The following GGTA1 variants were observed in gnomAD, a reference collection of about 807,000 sequenced individuals.
The protein encoded by GGTA1 is glycoprotein alpha-galactosyltransferase 1 (inactive), also known as inactive N-acetyllactosaminide alpha-1,3-galactosyltransferase.
A neutral mutation model predicts 2.6 loss-of-function variants in GGTA1; 5 were observed. The observed-to-expected ratio is 1.92, with a 90% CI of 1.00 to 4.04. The LOEUF (loss-of-function observed/expected upper bound fraction) is 4.04. Among genes scored for constraint, GGTA1 ranks in the 30% most tolerant of loss-of-function variants. The probability of loss-of-function intolerance (pLI) is 0.00; values close to 1 mark genes in which losing one functional copy is unlikely to be tolerated. For missense variants in GGTA1, 50 were observed against 16.7 expected (o/e 2.99, Z -3.47); for synonymous variants, 17 against 5.0 (o/e 3.38, Z -3.19).
At chr9:121,478,315 CCTCA>C (rs1424218178) in intron 1 of GGTA1, among the ~76,000 whole-genome samples, 1 of 152,204 alleles carries the variant, frequency 6.6e-6, no homozygotes, top group Non-Finnish European at 1.5e-5. Flanking sequence ...TGTGGGGTGT[CCTCA>C]CTCACAGCAT....
chr9:121,474,711 C>T (rs1428821074), intron 1 of GGTA1, among the ~76,000 whole-genome samples: 9 of 152,130 alleles, frequency 5.9e-5, no homozygotes, highest in Non-Finnish European at 1.5e-5. Context: ...CATCTCGTGC[C>T]AGGGGAAAAG....
intron 1 of GGTA1, among the ~76,000 whole-genome samples, chr9:121,485,966 C>G (rs1828746961): frequency 6.6e-6 from 1 of 152,190 alleles, no homozygotes; most frequent in African/African-American, 2.4e-5. Flanking sequence ...ATTTGTGATT[C>G]CTGCGCACAC....
chr9:121,466,456 C>G (rs1589330677), intron 2 of GGTA1, among the ~76,000 whole-genome samples: 1 of 152,188 alleles, frequency 6.6e-6, no homozygotes. Context: ...CTTGGTCACA[C>G]TCTAGTTTGT....
At chr9:121,487,719 C>CT (rs917326405) in intron 1 of GGTA1, among the ~76,000 whole-genome samples, 1 of 151,932 alleles carries the variant, frequency 6.6e-6, no homozygotes, top group Non-Finnish European at 1.5e-5. Flanking sequence ...AAGGTATAGA[C>CT]TTTTTTCTTT....
chr9:121,451,487 G>C (rs931124226), downstream of GGTA1, among the ~76,000 whole-genome samples: 2 of 152,206 alleles, frequency 1.3e-5, no homozygotes, highest in Non-Finnish European at 2.9e-5. Context: ...ACCTGGCCTA[G>C]AGCTAGAACT....
chr9:121,482,818 G>A (rs146822373), intron 1 of GGTA1, among the ~76,000 whole-genome samples: 2,162 of 151,888 alleles, frequency 0.014, 26 homozygotes, highest in Non-Finnish European at 0.02. Context: ...GTGGTGGCAC[G>A]TGTTGTAGTC....
chr9:121,459,537 C>T (rs1461626624), intron 5 of GGTA1, among the ~76,000 whole-genome samples: 2 of 152,208 alleles, frequency 1.3e-5, no homozygotes, highest in Non-Finnish European at 2.9e-5. Context: ...ATACCATCTG[C>T]TAAGCTCAGG....
rs1425631433 is a variant in GGTA1 at position 121,455,233 on chromosome 9, T to A, written c.*604A>T. ...AAAAAACACCCACACAGCTGTCTTA[T>A]ACTTCTGTAACCATTTCTGAACTTA... On this transcript the variant is annotated 3_prime_UTR_variant, in exon 6 of 6. Coordinates refer to ENST00000481799, the MANE Select transcript of GGTA1 (RefSeq NM_001382585.1). 6.6e-6 allele frequency: 1 copy of A among 152,204 alleles called. No individual in the cohort carries two copies. The highest frequency in any genetic ancestry group is 1.9e-4 in the East Asian group (1 of 5,198). The allele number at this position is 152,204 out of a possible 1,614,324, so 9.4% of individuals were successfully genotyped here. A position where few individuals can be genotyped will look rare whatever the true frequency, so the allele number is the denominator to read the frequency against.
At chr9:121,447,959 G>C (rs1156306074) in intron 7 of GGTA1, among the ~76,000 whole-genome samples, 1 of 152,156 alleles carries the variant, frequency 6.6e-6, no homozygotes, top group Non-Finnish European at 1.5e-5. Context: ...CAGTCCAAGA[G>C]AGCATGTGTT....
At chr9:121,463,262 C>T (rs200087202) in intron 3 of GGTA1, 31 bp downstream of exon 3, 1 of 452,568 alleles carries the variant, frequency 2.2e-6, no homozygotes, top group South Asian at 1.6e-5. Flanking sequence ...TGGGAAACAT[C>T]CCCTAGAAAT....
At chr9:121,487,872 C>G (rs545868915) in intron 1 of GGTA1, among the ~76,000 whole-genome samples, 1 of 152,020 alleles carries the variant, frequency 6.6e-6, no homozygotes, top group Non-Finnish European at 1.5e-5. Flanking sequence ...CGTGCCACCA[C>G]GCCCAGCTAA....
chr9:121,465,221 A>G (rs6478510), intron 2 of GGTA1, among the ~76,000 whole-genome samples: 143,371 of 152,274 alleles, frequency 0.94, 67,833 homozygotes, highest in Non-Finnish European at 0.99. Context: ...AGTTATGCAC[A>G]TACAACTCTG....
chr9:121,491,346 C>T (rs193108193), intron 1 of GGTA1, among the ~76,000 whole-genome samples: 413 of 152,324 alleles, frequency 2.7e-3, no homozygotes, highest in African/African-American at 8.8e-3. Context: ...CATCACCCTT[C>T]GCCCTAGGCT....
chr9:121,475,104 G>GA (rs1828479211), intron 1 of GGTA1, among the ~76,000 whole-genome samples: 1 of 152,086 alleles, frequency 6.6e-6, no homozygotes, highest in African/African-American at 2.4e-5. Flanking sequence ...GATGAAACCG[G>GA]AAACCAGCAC....
chr9:121,449,659 A>C (rs560451186), intron 7 of GGTA1, among the ~76,000 whole-genome samples: 5 of 152,034 alleles, frequency 3.3e-5, no homozygotes, highest in Non-Finnish European at 5.9e-5. Flanking sequence ...GGCCAATATG[A>C]TGAAACCCCA....
At chr9:121,472,558 T>C (rs1828415148) in intron 1 of GGTA1, among the ~76,000 whole-genome samples, 12 of 152,228 alleles carry the variant, frequency 7.9e-5, no homozygotes, top group Admixed American at 6.5e-4. Context: ...GAACATGTTA[T>C]ACAATGAAGT....
intron 1 of GGTA1, among the ~76,000 whole-genome samples, chr9:121,477,179 T>G (rs1447950224): frequency 6.6e-6 from 1 of 152,236 alleles, no homozygotes; most frequent in East Asian, 1.9e-4. Context: ...CCTGAGAAAC[T>G]GTCAAATGAC....
intron 1 of GGTA1, among the ~76,000 whole-genome samples, chr9:121,473,802 A>C (rs1374474976): frequency 6.6e-6 from 1 of 152,056 alleles, no homozygotes; most frequent in Non-Finnish European, 1.5e-5. Context: ...CTGTAGTCCC[A>C]GCTATTGGGG....
At chr9:121,478,957 C>A (rs1454863042) in intron 1 of GGTA1, 3 of 431,268 alleles carry the variant, frequency 7.0e-6, no homozygotes, top group African/African-American at 6.2e-5. Flanking sequence ...CAAGACTTGC[C>A]CCCTGCTCCT....
Sources: gnomAD v4.1 joint callset for allele counts (sites outside exome capture counted in the v4.1 genomes callset) on GRCh38, gnomAD v4.1.1 for gene constraint, MANE v1.5 for transcripts, NCBI Gene and HGNC (gene_info 2026-07-23, HGNC 2026-07-21) for gene names.